LRRC7: variants seen among roughly 807,000 people sequenced by gnomAD.
LRRC7 encodes the protein leucine rich repeat containing 7, also known as leucine-rich repeat-containing protein 7.
Under a neutral mutation model 175.7 loss-of-function variants are expected in LRRC7, and 23 were observed. The observed-to-expected ratio is 0.13, with a 90% confidence interval of 0.09 to 0.19. The LOEUF is 0.19. Among genes scored for constraint, LRRC7 ranks in the 10% least tolerant of loss-of-function variants. The probability of loss-of-function intolerance (pLI) is 1.00; values close to 1 mark genes in which losing one functional copy is unlikely to be tolerated. For synonymous variants in LRRC7, 685 were observed against 680.9 expected, an observed-to-expected ratio of 1.01 and a Z score of -0.09; for missense variants, 1,354 against 1,904.7, an observed-to-expected ratio of 0.71 and a Z score of 5.38.
chr1:69,675,677 C>T lies in LRRC7; in HGVS notation c.3-2704C>T, dbSNP rs145731834. On this transcript the variant is annotated intron_variant, in intron 1 of 26. Transcript: ENST00000651989. ...GCCGAAACACATAATCAAAATTGTG[C>T]GATGAATTAATTCAAGAGTCAGAAA... 3.4e-3 allele frequency among the ~76,000 whole-genome samples: 513 copies of T among 152,058 alleles called. 3 individuals carry two copies. The highest frequency in any genetic ancestry group is 5.8e-3 in the Non-Finnish European group (392 of 67,968).
chr1:69,879,248 G>A (rs1324171924), intron 7 of LRRC7, among the ~76,000 whole-genome samples: 4 of 127,820 alleles, frequency 3.1e-5, no homozygotes, highest in African/African-American at 1.5e-4. Context: ...ACTGCGCACT[G>A]GCCAGAATAT....
chr1:70,015,161 A>C (rs1656856754), intron 13 of LRRC7, among the ~76,000 whole-genome samples: 1 of 152,076 alleles, frequency 6.6e-6, no homozygotes, highest in Non-Finnish European at 1.5e-5. Context: ...CAATTATATA[A>C]AAAAGAATTG....
In LRRC7 at chr1:69,629,596, C is replaced by G. The variant is rs556032854; in HGVS notation, c.3-48785C>G. Among the ~76,000 whole-genome samples the G allele has an allele frequency of 8.5e-5, 13 of 152,208 alleles. No individual in the cohort carries two copies. In the East Asian group the frequency reaches 2.5e-3, roughly 30 times the overall value. On this transcript the variant is annotated intron_variant, in intron 1 of 26. Coordinates refer to ENST00000651989, the MANE Select transcript of LRRC7 (RefSeq NM_001370785.2). ...TAGTCCCAGGATGACTACACTTTCT[C>G]TCTCCAAATTCTCTTTATTTCATCT...
intron 3 of LRRC7, among the ~76,000 whole-genome samples, chr1:69,762,380 G>A (rs958188375): frequency 2.6e-5 from 4 of 152,038 alleles, no homozygotes; most frequent in Admixed American, 1.3e-4. Context: ...TGAAGCATTA[G>A]AGGCAAGTGC....
chr1:69,820,669 T>G (rs1398342247), intron 4 of LRRC7, among the ~76,000 whole-genome samples: 1 of 152,168 alleles, frequency 6.6e-6, no homozygotes, highest in East Asian at 1.9e-4. Flanking sequence ...GCTTCATCCA[T>G]GTCCCTGCAA....
intron 1 of LRRC7, among the ~76,000 whole-genome samples, chr1:69,593,944 AGTCT>A (rs1381873409): frequency 1.3e-5 from 2 of 152,172 alleles, no homozygotes; most frequent in Non-Finnish European, 2.9e-5. Flanking sequence ...GTATCTCCTG[AGTCT>A]TTGCCACTCA....
At chr1:70,069,220 G>A (rs1367293543) in intron 23 of LRRC7, among the ~76,000 whole-genome samples, 1 of 152,138 alleles carries the variant, frequency 6.6e-6, no homozygotes, top group Non-Finnish European at 1.5e-5. Context: ...CACATTGCTA[G>A]GGAGGCCTCA....
intron 1 of LRRC7, among the ~76,000 whole-genome samples, chr1:69,614,836 G>A (rs1220343938): frequency 5.3e-5 from 8 of 151,980 alleles, no homozygotes; most frequent in Non-Finnish European, 1.5e-5. Flanking sequence ...TGACTGACTA[G>A]AAATAATTTG....
At chr1:69,824,079 C>T (rs1315961373) in intron 4 of LRRC7, among the ~76,000 whole-genome samples, 5 of 152,122 alleles carry the variant, frequency 3.3e-5, no homozygotes, top group Admixed American at 2.0e-4. Flanking sequence ...GATAAAGAGA[C>T]GTCATCTTTT....
At chr1:69,603,842 G>T (rs1647185377) in intron 1 of LRRC7, among the ~76,000 whole-genome samples, 1 of 151,950 alleles carries the variant, frequency 6.6e-6, no homozygotes, top group South Asian at 2.1e-4. Flanking sequence ...AAGTTAGGAA[G>T]CACAATAACC....
At chr1:69,728,351 A>AG (rs1570536419) in intron 2 of LRRC7, among the ~76,000 whole-genome samples, 1 of 152,204 alleles carries the variant, frequency 6.6e-6, no homozygotes, top group Admixed American at 6.5e-5. Flanking sequence ...ACAAAAAAAA[A>AG]GTCAGTCCCA....
At position 70,028,222 on chromosome 1, in the gene LRRC7, A is replaced by G; in HGVS notation, c.1846A>G (p.Asn616Asp). The change falls in exon 18 of 27, where the codon AAT (asparagine) becomes GAT (aspartate). Residue 616 changes from asparagine to aspartate, a missense_variant. By Grantham distance (23) the Asn-to-Asp change is conservative (BLOSUM62 1). Around this residue, in one of 4 missense-constraint regions of LRRC7, gnomAD observed 1,032 missense variants for 1,227.2 expected, o/e 0.84. Transcript: ENST00000651989. ...AACTCCTTACCCAGAGGATTTAAAG[A>G]ATATGGTAAAATCTGTTCAAAATTT... ...YPTPYPEDLKNMVKSVQNLVG... is the reference protein window; with the variant it reads ...YPTPYPEDLKDMVKSVQNLVG... 2 of 1,613,816 alleles carry G rather than the reference A, an allele frequency of 1.2e-6. No homozygotes were observed. The highest frequency in any genetic ancestry group is 1.7e-6 in the Non-Finnish European group (2 of 1,179,762).
chr1:69,583,372 A>C (rs1272504247), intron 1 of LRRC7, among the ~76,000 whole-genome samples: 1 of 152,112 alleles, frequency 6.6e-6, no homozygotes, highest in African/African-American at 2.4e-5. Context: ...CTTCAGAAGT[A>C]AATAGATTAG....
chr1:69,673,829 A>G (rs903813253), intron 1 of LRRC7, among the ~76,000 whole-genome samples: 3 of 152,116 alleles, frequency 2.0e-5, no homozygotes, highest in Non-Finnish European at 4.4e-5. Context: ...TGTAATTTAT[A>G]GTGAATTGTT....
chr1:69,770,752 A>C (rs1434598717), intron 3 of LRRC7, among the ~76,000 whole-genome samples: 3 of 152,176 alleles, frequency 2.0e-5, no homozygotes, highest in African/African-American at 7.2e-5. Flanking sequence ...TCTTTCATAA[A>C]CAAGGAATGT....
At chr1:69,741,342 T>A (rs988647437) in intron 2 of LRRC7, among the ~76,000 whole-genome samples, 1 of 152,050 alleles carries the variant, frequency 6.6e-6, no homozygotes, top group Non-Finnish European at 1.5e-5. Context: ...GGGTTTTTGT[T>A]GTTTGTTTGA....
rs1303014151 is a variant in LRRC7, at chr1:69,866,836, ACTG to A, written c.647+28556_647+28558del. Among the ~76,000 whole-genome samples, 3 of 152,188 alleles carry A rather than the reference ACTG, an allele frequency of 2.0e-5. No homozygotes were observed. In the East Asian group the frequency reaches 5.8e-4, roughly 29 times the overall value. On this transcript the variant is annotated intron_variant, in intron 7 of 26. Coordinates refer to ENST00000651989, the MANE Select transcript of LRRC7 (RefSeq NM_001370785.2). Reference sequence around the variant, plus strand: ...TGATGAATGTGTACCTCTATTTATCACTGCTTGTGATTTTATGAGTTATTTTTA... The same window carrying A: ...TGATGAATGTGTACCTCTATTTATCACTTGTGATTTTATGAGTTATTTTTA...
At chr1:69,909,906 A>C (rs1307729788) in intron 7 of LRRC7, among the ~76,000 whole-genome samples, 1 of 151,994 alleles carries the variant, frequency 6.6e-6, no homozygotes, top group Non-Finnish European at 1.5e-5. Flanking sequence ...TTTCAGGTAC[A>C]CCAATCAGAC....
At position 69,813,003 on chromosome 1, in the gene LRRC7, T is replaced by C. The variant is rs550879537; in HGVS notation, c.422-12745T>C. Among the ~76,000 whole-genome samples the C allele has an allele frequency of 3.9e-5, 6 of 152,190 alleles. No homozygotes were observed. The South Asian group carries it at 6.2e-4, about 16-fold the overall frequency. On this transcript the variant is annotated intron_variant, in intron 4 of 26. Transcript: ENST00000651989. ...AGGTACTGTCAGGAATATCAAGAAA[T>C]TGAGTGTCAATTGATGAATCCATAA...
Sources: gnomAD v4.1 joint callset for allele counts (sites outside exome capture counted in the v4.1 genomes callset) on GRCh38, gnomAD v4.1.1 for gene constraint, gnomAD v4.1.1 regional missense constraint, MANE v1.5 for transcripts, NCBI Gene and HGNC (gene_info 2026-07-23, HGNC 2026-07-21) for gene names.